Variants in MICU1 observed in about 807,000 individuals in gnomAD.
The protein encoded by MICU1 is mitochondrial calcium uptake 1, also known as calcium uptake protein 1, mitochondrial.
A neutral mutation model predicts 56.8 loss-of-function variants in MICU1; 45 were observed. The observed-to-expected ratio is 0.79, with a 90% CI of 0.62 to 1.02. The LOEUF is 1.02. Ranked by LOEUF, MICU1 falls within the 50% of genes least tolerant of loss-of-function variation. The probability of loss-of-function intolerance (pLI) is 0.00; values close to 1 mark genes in which losing one functional copy is unlikely to be tolerated. For synonymous variants in MICU1, 186 were observed against 195.1 expected (o/e 0.95, Z 0.39); for missense variants, 504 against 587.1 (o/e 0.86, Z 1.46).
chr10:72,515,823 C>T (rs1329828661), intron 5 of MICU1, among the ~76,000 whole-genome samples: 2 of 152,060 alleles, frequency 1.3e-5, no homozygotes, highest in African/African-American at 2.4e-5. Context: ...CCATCACTTC[C>T]GAAAGTTCTT....
intron 3 of MICU1, among the ~76,000 whole-genome samples, chr10:72,560,958 T>C (rs1013512850): frequency 1.3e-5 from 2 of 152,138 alleles, no homozygotes; most frequent in African/African-American, 4.8e-5. Context: ...CATGTCTATA[T>C]AGATTATGTA....
At chr10:72,472,088 T>C (rs1865968760) in intron 8 of MICU1, among the ~76,000 whole-genome samples, 1 of 152,180 alleles carries the variant, frequency 6.6e-6, no homozygotes, top group African/African-American at 2.4e-5. Context: ...AATAAAGCTC[T>C]GGAAGCATAA....
chr10:72,505,681 G>A (rs1867222274), intron 6 of MICU1, among the ~76,000 whole-genome samples: 1 of 152,110 alleles, frequency 6.6e-6, no homozygotes, highest in Non-Finnish European at 1.5e-5. Flanking sequence ...GTAGCCAGAG[G>A]CCATCATCCT....
chr10:72,511,851 C>G (rs1020224570), intron 5 of MICU1, among the ~76,000 whole-genome samples: 1 of 152,184 alleles, frequency 6.6e-6, no homozygotes, highest in Non-Finnish European at 1.5e-5. Context: ...CCCCAGCTCT[C>G]AGAGAGAACC....
At chr10:72,579,623 A>C (rs1449692288) in intron 1 of MICU1, among the ~76,000 whole-genome samples, 1 of 151,116 alleles carries the variant, frequency 6.6e-6, no homozygotes, top group Non-Finnish European at 1.5e-5. Flanking sequence ...CATTAAGTAC[A>C]TATGTGTGAA....
intron 1 of MICU1, among the ~76,000 whole-genome samples, chr10:72,572,812 A>C (rs1010020754): frequency 6.6e-6 from 1 of 152,134 alleles, no homozygotes; most frequent in Admixed American, 6.6e-5. Flanking sequence ...TTGAAAACAC[A>C]TTTGTTGACA....
chr10:72,469,383 T>C (rs1234301419), intron 8 of MICU1, among the ~76,000 whole-genome samples: 1 of 152,198 alleles, frequency 6.6e-6, no homozygotes, highest in Admixed American at 6.5e-5. Context: ...ATAAAACCCA[T>C]ACAAAAGTTA....
At chr10:72,403,670 T>TGTGTGTGTGC (rs1554862082) in intron 10 of MICU1, among the ~76,000 whole-genome samples, 1 of 149,710 alleles carries the variant, frequency 6.7e-6, no homozygotes, top group East Asian at 2.0e-4. Flanking sequence ...TGTGTGTGTG[T>TGTGTGTGTGC]TTTGAGACGG....
At chr10:72,405,877 T>G (rs1202595021) in intron 10 of MICU1, among the ~76,000 whole-genome samples, 3 of 152,100 alleles carry the variant, frequency 2.0e-5, no homozygotes, top group Non-Finnish European at 4.4e-5. Context: ...AAATCTAATC[T>G]AATATCCAAT....
At chr10:72,523,811 T>C (rs564385503) in intron 5 of MICU1, 2 of 1,521,896 alleles carry the variant, frequency 1.3e-6, no homozygotes, top group African/African-American at 2.8e-5. Flanking sequence ...CCTTTAGGAG[T>C]GTCCTTGAAG....
At chr10:72,386,477 C>T (rs1037778716) in intron 10 of MICU1, among the ~76,000 whole-genome samples, 2 of 151,738 alleles carry the variant, frequency 1.3e-5, no homozygotes, top group South Asian at 2.1e-4. Flanking sequence ...CCACTGTGCC[C>T]GGACAAGGGA....
At chr10:72,461,606 A>C (rs1865640349) in intron 8 of MICU1, among the ~76,000 whole-genome samples, 1 of 152,232 alleles carries the variant, frequency 6.6e-6, no homozygotes, top group African/African-American at 2.4e-5. Flanking sequence ...TTTGTATCTT[A>C]AGCATTTAGC....
chr10:72,402,237 G>C (rs1246287939), intron 10 of MICU1, among the ~76,000 whole-genome samples: 3 of 151,824 alleles, frequency 2.0e-5, no homozygotes, highest in Non-Finnish European at 4.4e-5. Flanking sequence ...ATCAAGCACA[G>C]AGACAGGAGT....
intron 5 of MICU1, among the ~76,000 whole-genome samples, chr10:72,511,180 G>A (rs913279612): frequency 2.4e-4 from 36 of 152,034 alleles, no homozygotes; most frequent in African/African-American, 8.5e-4. Context: ...TTTAGGTTTG[G>A]CTTCTTTCAC....
rs75180479 is a variant in MICU1 at position 72,408,053 on chromosome 10, C to T, written c.1072-16G>A. 8,929 of 1,573,540 alleles carry T rather than the reference C, an allele frequency of 5.7e-3. 434 individuals carry two copies. The African/African-American group carries it at 0.11, about 19-fold the overall frequency. ...ATGTCAGACCCTGCAAGAGGAGAGA[C>T]AGCAAGGTAAGGCAGGACCTGTAAC... On this transcript the variant is annotated splice_polypyrimidine_tract_variant and intron_variant, in intron 9 of 11. Coordinates refer to ENST00000361114, the MANE Select transcript of MICU1 (RefSeq NM_001195518.2).
At chr10:72,540,280 A>G (rs1003547003) in intron 4 of MICU1, among the ~76,000 whole-genome samples, 1 of 151,878 alleles carries the variant, frequency 6.6e-6, no homozygotes, top group African/African-American at 2.4e-5. Context: ...AAAAAAAAAA[A>G]AAAAAAGAAA....
intron 4 of MICU1, among the ~76,000 whole-genome samples, chr10:72,540,267 CAAAAAAAA>C (rs11287541): frequency 1.8e-3 from 153 of 85,438 alleles, no homozygotes; most frequent in African/African-American, 5.9e-3. Context: ...AACTCCATCT[CAAAAAAAA>C]AAAAAAAAAA....
intron 6 of MICU1, among the ~76,000 whole-genome samples, chr10:72,487,826 G>C (rs543289381): frequency 1.3e-5 from 2 of 152,212 alleles, no homozygotes; most frequent in East Asian, 3.9e-4. Flanking sequence ...TTACAGTCCT[G>C]ATCTACTCCT....
At chr10:72,408,922 G>A (rs1291626785) in intron 9 of MICU1, among the ~76,000 whole-genome samples, 1 of 152,098 alleles carries the variant, frequency 6.6e-6, no homozygotes, top group Non-Finnish European at 1.5e-5. Context: ...TTAATCTAAT[G>A]AAATTCTGTG....
Sources: gnomAD v4.1 joint callset for allele counts (sites outside exome capture counted in the v4.1 genomes callset) on GRCh38, gnomAD v4.1.1 for gene constraint, MANE v1.5 for transcripts, NCBI Gene and HGNC (gene_info 2026-07-23, HGNC 2026-07-21) for gene names.